The following GALNT13 variants were observed in gnomAD, a reference collection of about 807,000 sequenced individuals.
GALNT13 encodes polypeptide N-acetylgalactosaminyltransferase 13.
A neutral mutation model predicts 64.2 loss-of-function variants in GALNT13; 28 were observed. The observed-to-expected ratio is 0.44, with a 90% CI of 0.32 to 0.60. The LOEUF (loss-of-function observed/expected upper bound fraction) is 0.60. Ranked by LOEUF, GALNT13 falls within the 20% of genes least tolerant of loss-of-function variation. The pLI is 0.05. For synonymous variants in GALNT13, 214 were observed against 224.6 expected, an observed-to-expected ratio of 0.95 and a Z score of 0.42; for missense variants, 577 against 669.8, an observed-to-expected ratio of 0.86 and a Z score of 1.53.
chr2:153,068,697 G>A, the GALNT13 span, among the ~76,000 whole-genome samples: 1 of 152,266 alleles, frequency 6.6e-6, no homozygotes, highest in South Asian at 2.1e-4. Flanking sequence ...TGTGCTTGGT[G>A]CCTGTTGAGT....
chr2:153,197,454 G>A, the GALNT13 span, among the ~76,000 whole-genome samples: 1 of 152,216 alleles, frequency 6.6e-6, no homozygotes, highest in Non-Finnish European at 1.5e-5. Flanking sequence ...AGGTGCTCTG[G>A]GGCTGTTATT....
At chr2:154,331,384 C>A (rs934810589) in intron 9 of GALNT13, among the ~76,000 whole-genome samples, 2 of 152,008 alleles carry the variant, frequency 1.3e-5, no homozygotes, top group African/African-American at 4.8e-5. Flanking sequence ...CTCACTGCAA[C>A]CTCCAACTCC....
At chr2:153,600,430 C>G in the GALNT13 span, among the ~76,000 whole-genome samples, 3 of 151,690 alleles carry the variant, frequency 2.0e-5, no homozygotes, top group Non-Finnish European at 4.4e-5. Flanking sequence ...ATCAGAAAAT[C>G]CAACTGGAAT....
the GALNT13 span, among the ~76,000 whole-genome samples, chr2:153,703,124 T>G: frequency 6.6e-6 from 1 of 152,152 alleles, no homozygotes; most frequent in Admixed American, 6.6e-5. Flanking sequence ...GAATTGACAC[T>G]TAGCTTTTGC....
the GALNT13 span, among the ~76,000 whole-genome samples, chr2:153,403,125 T>G: frequency 1.7e-4 from 26 of 151,834 alleles, no homozygotes; most frequent in South Asian, 3.7e-3. Context: ...GTCCTTTATG[T>G]TTGTTAGTTT....
intron 3 of GALNT13, among the ~76,000 whole-genome samples, chr2:153,981,340 A>G (rs977022619): frequency 2.7e-4 from 41 of 152,224 alleles, no homozygotes; most frequent in African/African-American, 8.2e-4. Flanking sequence ...TACGTTAGGT[A>G]TATCTCCTGA....
chr2:154,003,153 A>C (rs1696026898), intron 3 of GALNT13, among the ~76,000 whole-genome samples: 1 of 152,130 alleles, frequency 6.6e-6, no homozygotes, highest in Non-Finnish European at 1.5e-5. Flanking sequence ...AGCAGATACC[A>C]AGATTTTCAT....
chr2:153,896,258 T>C (rs1264091284), intron 1 of GALNT13, among the ~76,000 whole-genome samples: 1 of 150,794 alleles, frequency 6.6e-6, no homozygotes, highest in Admixed American at 6.6e-5. Flanking sequence ...TATTTAACTT[T>C]ACATTGCTTA....
the GALNT13 span, among the ~76,000 whole-genome samples, chr2:153,524,221 A>G: frequency 6.6e-6 from 1 of 152,222 alleles, no homozygotes; most frequent in Admixed American, 6.5e-5. Context: ...TATGTTGTTG[A>G]GGATTTTAAA....
At chr2:154,054,514 T>C (rs1356435877) in intron 3 of GALNT13, among the ~76,000 whole-genome samples, 1 of 152,028 alleles carries the variant, frequency 6.6e-6, no homozygotes, top group Non-Finnish European at 1.5e-5. Context: ...TTGCCTTTAC[T>C]TAAGAAACCT....
At chr2:154,349,664 C>T (rs538439714) in intron 9 of GALNT13, among the ~76,000 whole-genome samples, 20 of 152,280 alleles carry the variant, frequency 1.3e-4, no homozygotes, top group African/African-American at 4.8e-4. Flanking sequence ...CCTAGGTTGA[C>T]ACAGGTGCAG....
chr2:153,888,073 A>G (rs1687307622), intron 1 of GALNT13, among the ~76,000 whole-genome samples: 1 of 151,984 alleles, frequency 6.6e-6, no homozygotes, highest in Non-Finnish European at 1.5e-5. Flanking sequence ...GAAATATTTG[A>G]ATTCCACTTC....
the GALNT13 span, among the ~76,000 whole-genome samples, chr2:153,262,699 A>G: frequency 2.0e-5 from 3 of 152,276 alleles, no homozygotes; most frequent in East Asian, 1.9e-4. Flanking sequence ...AAAGGCAAAA[A>G]CCACATGATT....
the GALNT13 span, among the ~76,000 whole-genome samples, chr2:153,404,849 T>G: frequency 6.6e-6 from 1 of 152,240 alleles, no homozygotes; most frequent in Admixed American, 6.5e-5. Context: ...AAGTTGAGAA[T>G]TAATTTTCCC....
chr2:154,426,390 C>A (rs185516433), intron 11 of GALNT13, among the ~76,000 whole-genome samples: 4 of 152,238 alleles, frequency 2.6e-5, no homozygotes, highest in Non-Finnish European at 4.4e-5. Context: ...GTAATGTGAT[C>A]TTGAAATGAC....
chr2:153,804,055 A>G, the GALNT13 span, among the ~76,000 whole-genome samples: 1 of 152,354 alleles, frequency 6.6e-6, no homozygotes, highest in Admixed American at 6.5e-5. Flanking sequence ...TTCTTAAGCC[A>G]ATGAAATGAC....
At chr2:153,543,661 CAATA>C in the GALNT13 span, among the ~76,000 whole-genome samples, 1 of 152,024 alleles carries the variant, frequency 6.6e-6, no homozygotes, top group Admixed American at 6.6e-5. Context: ...TAAGAAAACT[CAATA>C]AATGCCTGTG....
chr2:154,128,642 A>G (rs1682434810), intron 3 of GALNT13, among the ~76,000 whole-genome samples: 1 of 152,128 alleles, frequency 6.6e-6, no homozygotes, highest in Admixed American at 6.5e-5. Context: ...GGGTGATGGT[A>G]GGAGGCGGGT....
the GALNT13 span, among the ~76,000 whole-genome samples, chr2:153,861,035 G>A: frequency 1.9e-4 from 29 of 152,124 alleles, no homozygotes; most frequent in Non-Finnish European, 2.8e-4. Flanking sequence ...CACCTGGACT[G>A]CTATTCCTAA....
Sources: allele counts gnomAD v4.1 joint callset (sites outside exome capture counted in the v4.1 genomes callset), GRCh38; gene constraint gnomAD v4.1.1; transcripts MANE v1.5; gene names NCBI Gene and HGNC (gene_info 2026-07-23, HGNC 2026-07-21).